CNTNAP2: variants seen among roughly 807,000 people sequenced by gnomAD.
CNTNAP2 encodes contactin associated protein 2.
A neutral mutation model predicts 155.2 loss-of-function variants in CNTNAP2; 98 were observed. The ratio of observed to expected loss-of-function variants is 0.63; its 90% CI spans 0.54 to 0.75. The LOEUF (loss-of-function observed/expected upper bound fraction) is 0.75, where lower values mean the gene tolerates loss of function less well. Ranked by LOEUF, CNTNAP2 falls within the 30% of genes least tolerant of loss-of-function variation. CNTNAP2 has a pLI of 0.00. For synonymous variants in CNTNAP2, 651 were observed against 631.2 expected, an observed-to-expected ratio of 1.03 and a Z score of -0.47; for missense variants, 1,727 against 1,688.1, an observed-to-expected ratio of 1.02 and a Z score of -0.40.
At chr7:146,704,687 C>G (rs559018835) in intron 1 of CNTNAP2, among the ~76,000 whole-genome samples, 2 of 152,138 alleles carry the variant, frequency 1.3e-5, no homozygotes, top group Admixed American at 6.5e-5. Context: ...TTAGGAAACA[C>G]TAGCCTCATA....
chr7:148,111,823 T>C (rs554609656), intron 15 of CNTNAP2, among the ~76,000 whole-genome samples: 11 of 152,336 alleles, frequency 7.2e-5, no homozygotes, highest in Non-Finnish European at 1.5e-4. Context: ...TAATGACTCA[T>C]CAGAGGAACA....
At chr7:148,394,922 T>C (rs913940056) in intron 22 of CNTNAP2, among the ~76,000 whole-genome samples, 1 of 152,242 alleles carries the variant, frequency 6.6e-6, no homozygotes, top group East Asian at 1.9e-4. Context: ...GACAACTCTC[T>C]CAAGTTATTT....
intron 1 of CNTNAP2, among the ~76,000 whole-genome samples, chr7:146,135,277 T>C (rs186443689): frequency 7.2e-5 from 11 of 152,202 alleles, no homozygotes; most frequent in Admixed American, 3.3e-4. Context: ...ATAGAAGGTA[T>C]AATAGTGTAG....
At chr7:148,203,924 C>G (rs4549702) in intron 18 of CNTNAP2, among the ~76,000 whole-genome samples, 61,673 of 151,954 alleles carry the variant, frequency 0.41, 12,743 homozygotes, top group South Asian at 0.6. Context: ...ACTCGGTATA[C>G]CATCATAAAC....
At chr7:148,054,755 GAAACAAACAATATCAGTA>G (rs1381323586) in intron 15 of CNTNAP2, among the ~76,000 whole-genome samples, 1 of 151,966 alleles carries the variant, frequency 6.6e-6, no homozygotes. Context: ...ACCATGCACA[GAAACAAACAATATCAGTA>G]AAACTCTCAA....
At chr7:147,723,848 C>G (rs1432313819) in intron 13 of CNTNAP2, among the ~76,000 whole-genome samples, 1 of 151,962 alleles carries the variant, frequency 6.6e-6, no homozygotes, top group African/African-American at 2.4e-5. Flanking sequence ...ATTTAGCAAA[C>G]CCGTGACCTC....
At chr7:147,999,874 A>T (rs191841253) in intron 15 of CNTNAP2, among the ~76,000 whole-genome samples, 141 of 152,300 alleles carry the variant, frequency 9.3e-4, no homozygotes, top group Non-Finnish European at 1.6e-3. Context: ...GGCACGGGTG[A>T]ACATTCTCCC....
At chr7:147,975,854 A>C (rs1480704727) in intron 14 of CNTNAP2, among the ~76,000 whole-genome samples, 1 of 152,112 alleles carries the variant, frequency 6.6e-6, no homozygotes, top group African/African-American at 2.4e-5. Context: ...AGTCAGTGGG[A>C]TATTTGCTCA....
chr7:146,178,263 G>A (rs959238471), intron 1 of CNTNAP2, among the ~76,000 whole-genome samples: 4 of 152,086 alleles, frequency 2.6e-5, no homozygotes, highest in African/African-American at 9.7e-5. Flanking sequence ...TCAATCTACC[G>A]ACCTCGTGAT....
chr7:147,589,863 A>C (rs1246161450), intron 12 of CNTNAP2, among the ~76,000 whole-genome samples: 3 of 152,154 alleles, frequency 2.0e-5, no homozygotes, highest in Non-Finnish European at 4.4e-5. Context: ...ATTAGTGACA[A>C]ACTATGTCCC....
chr7:146,838,364 C>T (rs1163864304), intron 2 of CNTNAP2, among the ~76,000 whole-genome samples: 1 of 152,164 alleles, frequency 6.6e-6, no homozygotes, highest in Non-Finnish European at 1.5e-5. Flanking sequence ...GTCACTCAAA[C>T]TGGAGTGCAA....
intron 1 of CNTNAP2, among the ~76,000 whole-genome samples, chr7:146,154,998 TA>T (rs1265624641): frequency 6.6e-6 from 1 of 152,192 alleles, no homozygotes; most frequent in Non-Finnish European, 1.5e-5. Flanking sequence ...CAGGAACAGA[TA>T]ATATTTATTG....
At chr7:147,166,842 G>A (rs1412643916) in intron 8 of CNTNAP2, among the ~76,000 whole-genome samples, 1 of 152,152 alleles carries the variant, frequency 6.6e-6, no homozygotes, top group Non-Finnish European at 1.5e-5. Context: ...ATTAAGACAG[G>A]AACGGCCATC....
At chr7:146,660,574 C>T (rs1248322969) in intron 1 of CNTNAP2, among the ~76,000 whole-genome samples, 1 of 152,110 alleles carries the variant, frequency 6.6e-6, no homozygotes, top group African/African-American at 2.4e-5. Flanking sequence ...TTCCAATGTG[C>T]CTACTTCACA....
chr7:147,932,528 C>A (rs1435817574), intron 14 of CNTNAP2, among the ~76,000 whole-genome samples: 2 of 152,134 alleles, frequency 1.3e-5, no homozygotes, highest in Non-Finnish European at 2.9e-5. Flanking sequence ...CAAAATTAAA[C>A]CCTTACTGTA....
At chr7:146,266,307 T>C (rs1475204105) in intron 1 of CNTNAP2, among the ~76,000 whole-genome samples, 2 of 152,272 alleles carry the variant, frequency 1.3e-5, no homozygotes, top group East Asian at 1.9e-4. Flanking sequence ...GTGTCTAGCC[T>C]TCCATTGTTG....
At chr7:146,457,054 C>T (rs1222663575) in intron 1 of CNTNAP2, among the ~76,000 whole-genome samples, 1 of 151,686 alleles carries the variant, frequency 6.6e-6, no homozygotes, top group Admixed American at 6.6e-5. Flanking sequence ...TTCTACTGGC[C>T]TCATTCAGAT....
At position 146,433,830 on chromosome 7, in the gene CNTNAP2, G is replaced by A. The variant is rs558957304; in HGVS notation, c.97+316857G>A. ...GATATGTTGATTTGAATAAATGTAT[G>A]TACACAAATGTAATCATTTTAGAAG... On this transcript the variant is annotated intron_variant, in intron 1 of 23. Coordinates refer to ENST00000361727, the MANE Select transcript of CNTNAP2 (RefSeq NM_014141.6). Among the ~76,000 whole-genome samples, 5 of 152,252 alleles carry A rather than the reference G, an allele frequency of 3.3e-5. No individual in the cohort carries two copies. In the South Asian group the frequency reaches 1.0e-3, roughly 32 times the overall value.
chr7:146,781,251 A>C (rs950422182), intron 2 of CNTNAP2, among the ~76,000 whole-genome samples: 15 of 151,362 alleles, frequency 9.9e-5, no homozygotes, highest in Admixed American at 7.9e-4. Flanking sequence ...CAAAAAAAAA[A>C]CACCCTAGGT....
Sources: gnomAD v4.1 joint callset for allele counts (sites outside exome capture counted in the v4.1 genomes callset) on GRCh38, gnomAD v4.1.1 for gene constraint, MANE v1.5 for transcripts, NCBI Gene and HGNC (gene_info 2026-07-23, HGNC 2026-07-21) for gene names.